METTL16: variants seen among roughly 807,000 people sequenced by gnomAD.
METTL16 encodes the protein methyltransferase 16, RNA N6-adenosine, also known as RNA N(6)-adenosine-methyltransferase METTL16.
A neutral mutation model predicts 57.9 loss-of-function variants in METTL16; 19 were observed. The observed-to-expected ratio is 0.33, with a 90% CI of 0.23 to 0.48. The LOEUF (loss-of-function observed/expected upper bound fraction) is 0.48, where lower values mean the gene tolerates loss of function less well. METTL16 is among the 20% of genes least tolerant of loss of function. The probability of loss-of-function intolerance (pLI) is 0.99; values close to 1 mark genes in which losing one functional copy is unlikely to be tolerated. For synonymous variants in METTL16, 246 were observed against 255.6 expected (o/e 0.96, Z 0.36); for missense variants, 434 against 691.5 (o/e 0.63, Z 4.18).
Position 2,466,201 on chromosome 17 carries a change from A to C in METTL16, c.585+1560T>G, listed in dbSNP as rs1165191500. On this transcript the variant is annotated intron_variant, in intron 5 of 9. Transcript: ENST00000263092. ...AGAGTAAGACTCTGTCACAAAAAAA[A>C]AAAAAAAAAAAGCCACTTAACAGTA... is the stretch of plus-strand genomic sequence containing the variant. Among the ~76,000 whole-genome samples, 68 of 143,354 alleles carry C rather than the reference A, an allele frequency of 4.7e-4. 1 individual carries two copies. Among genetic ancestry groups the C allele is most frequent in the African/African-American group, 1.1e-3 (42 of 37,828 alleles). The allele number at this position is 143,354 out of a possible 152,430, so 94.0% of individuals were successfully genotyped here. A position where few individuals can be genotyped will look rare whatever the true frequency, so the allele number is the denominator to read the frequency against.
chr17:2,503,686 A>G (rs2067507580), intron 1 of METTL16, among the ~76,000 whole-genome samples: 1 of 152,084 alleles, frequency 6.6e-6, no homozygotes, highest in Non-Finnish European at 1.5e-5. Flanking sequence ...ATATCCATAC[A>G]ATAAATATGG....
intron 2 of METTL16, among the ~76,000 whole-genome samples, chr17:2,487,488 G>C (rs2067352477): frequency 6.6e-6 from 1 of 152,170 alleles, no homozygotes. Flanking sequence ...AGGAGACAAA[G>C]GAACACCAGA....
chr17:2,449,954 C>T (rs1332914863), intron 6 of METTL16, among the ~76,000 whole-genome samples: 5 of 152,158 alleles, frequency 3.3e-5, no homozygotes, highest in African/African-American at 1.2e-4. Flanking sequence ...ACTACCTACC[C>T]GTTAGAACAG....
At chr17:2,427,911 T>A (rs2151543077) in intron 8 of METTL16, among the ~76,000 whole-genome samples, 1 of 146,970 alleles carries the variant, frequency 6.8e-6, no homozygotes, top group Non-Finnish European at 1.5e-5. Context: ...CCCAAGAGTT[T>A]GAGACCAGCT....
chr17:2,484,400 T>C (rs1430722523), intron 2 of METTL16, among the ~76,000 whole-genome samples: 1 of 152,112 alleles, frequency 6.6e-6, no homozygotes, highest in African/African-American at 2.4e-5. Flanking sequence ...CAGTAACAAA[T>C]AGTCTGTGGT....
intron 2 of METTL16, among the ~76,000 whole-genome samples, chr17:2,483,628 G>A (rs893571517): frequency 7.2e-5 from 11 of 152,088 alleles, no homozygotes; most frequent in African/African-American, 1.9e-4. Context: ...TCAATAGCAC[G>A]CAATGGCCTC....
At chr17:2,452,263 G>A (rs1441040396) in intron 6 of METTL16, among the ~76,000 whole-genome samples, 2 of 152,102 alleles carry the variant, frequency 1.3e-5, no homozygotes, top group Admixed American at 6.6e-5. Context: ...ACTCGGGAGG[G>A]AGTTCATATT....
In METTL16 at chr17:2,448,784, A is replaced by AAAT. The variant is rs1567889916; in HGVS notation, c.729-7226_729-7225insATT. ...AAAAAAATAAAAAATAAAAAAATAAAAAAATAAAAATAAAATTTAAAAAAA... is the reference window on the plus strand; with the variant it reads ...AAAAAAATAAAAAATAAAAAAATAAAAATAAAATAAAAATAAAATTTAAAAAAA... On this transcript the variant is annotated intron_variant, in intron 6 of 9. Transcript: ENST00000263092. 1.7e-4 allele frequency among the ~76,000 whole-genome samples: 19 copies of AAAT among 110,258 alleles called. 1 individual carries two copies. The highest frequency in any genetic ancestry group is 6.3e-4 in the African/African-American group (11 of 17,328). 72.3% of individuals were successfully genotyped at this position (110,258 alleles called of 152,430 possible).
chr17:2,451,419 G>A (rs774145106), intron 6 of METTL16, among the ~76,000 whole-genome samples: 2 of 152,050 alleles, frequency 1.3e-5, no homozygotes, highest in Non-Finnish European at 2.9e-5. Context: ...AGGAGTTCGG[G>A]ACCAGCCTGG....
At chr17:2,441,022 G>GAAAGA (rs1168052641) in intron 7 of METTL16, among the ~76,000 whole-genome samples, 2 of 100,260 alleles carry the variant, frequency 2.0e-5, no homozygotes, top group Non-Finnish European at 4.5e-5. Flanking sequence ...GAAAAGAAAA[G>GAAAGA]AAAGAAAAGA....
chr17:2,432,134 C>T (rs1419044966), intron 8 of METTL16, among the ~76,000 whole-genome samples: 2 of 152,044 alleles, frequency 1.3e-5, no homozygotes, highest in Non-Finnish European at 2.9e-5. Context: ...TTAGTAGAGA[C>T]GGAGGGAAGG....
At chr17:2,466,618 G>A (rs1335663015) in intron 5 of METTL16, among the ~76,000 whole-genome samples, 2 of 152,052 alleles carry the variant, frequency 1.3e-5, no homozygotes, top group Admixed American at 6.6e-5. Context: ...CAAAATCCAA[G>A]GAAGCTCAAG....
intron 6 of METTL16, among the ~76,000 whole-genome samples, chr17:2,453,167 A>C (rs993565498): frequency 2.0e-5 from 3 of 152,066 alleles, no homozygotes; most frequent in African/African-American, 7.2e-5. Context: ...CACGGAAACA[A>C]GTGTATTCAT....
chr17:2,438,241 C>T lies in METTL16; in HGVS notation c.799-43G>A, dbSNP rs957753375. ...AGCATCTCATCAAACTGCAATCATT[C>T]TACCAATATGTTTCTGGCTGCTGCG... On this transcript the variant is annotated intron_variant, in intron 7 of 9. Transcript: ENST00000263092. 1.1e-5 allele frequency: 15 copies of T among 1,409,046 alleles called. No individual in the cohort carries two copies. The African/African-American group carries it at 2.0e-4, about 19-fold the overall frequency. 87.3% of individuals were successfully genotyped at this position (1,409,046 alleles called of 1,614,324 possible). A position where few individuals can be genotyped will look rare whatever the true frequency, so the allele number is the denominator to read the frequency against.
chr17:2,431,787 G>A (rs1340821615), intron 8 of METTL16, among the ~76,000 whole-genome samples: 1 of 152,116 alleles, frequency 6.6e-6, no homozygotes, highest in African/African-American at 2.4e-5. Flanking sequence ...TTGGGGAATA[G>A]ATGGTTTAAA....
chr17:2,497,904 T>G lies in METTL16; in HGVS notation c.128+4300A>C, dbSNP rs562640606. 9.9e-5 allele frequency among the ~76,000 whole-genome samples: 15 copies of G among 151,788 alleles called. 1 individual carries two copies. The highest frequency in any genetic ancestry group is 3.6e-4 in the African/African-American group (15 of 41,118). On this transcript the variant is annotated intron_variant, in intron 2 of 9. Transcript: ENST00000263092. ...ACTGCGCTTGGCCTTTTAAAAAATA[T>G]ACCTCTTAGGCCCGGCGCGGTGGCT...
intron 8 of METTL16, among the ~76,000 whole-genome samples, chr17:2,433,317 T>C (rs563740319): frequency 6.6e-6 from 1 of 152,218 alleles, no homozygotes; most frequent in South Asian, 2.1e-4. Context: ...TGGGAGTGAT[T>C]AGGATGGAAA....
chr17:2,435,660 G>A (rs921226130), intron 8 of METTL16, among the ~76,000 whole-genome samples: 2 of 151,180 alleles, frequency 1.3e-5, no homozygotes, highest in Admixed American at 1.3e-4. Context: ...GCAGCTTGGG[G>A]CTGGGGTAGT....
chr17:2,463,607 ACC>A (rs1567894718), intron 6 of METTL16, among the ~76,000 whole-genome samples: 5 of 151,790 alleles, frequency 3.3e-5, no homozygotes, highest in Non-Finnish European at 5.9e-5. Flanking sequence ...GACTACAGGC[ACC>A]CACCACCACA....
Sources: allele counts gnomAD v4.1 joint callset (sites outside exome capture counted in the v4.1 genomes callset), GRCh38; gene constraint gnomAD v4.1.1; transcripts MANE v1.5; gene names NCBI Gene and HGNC (gene_info 2026-07-23, HGNC 2026-07-21).